The following RNF144A variants were observed in gnomAD, a reference collection of about 807,000 sequenced individuals.
RNF144A encodes ring finger protein 144A, also known as E3 ubiquitin-protein ligase RNF144A.
RNF144A carries 11 observed loss-of-function variants against 38.7 expected under a neutral mutation model. The observed-to-expected ratio is 0.28, with a 90% CI of 0.18 to 0.47. The LOEUF (loss-of-function observed/expected upper bound fraction) is 0.47. Ranked by LOEUF, RNF144A falls within the 20% of genes least tolerant of loss-of-function variation. The pLI is 0.99. For synonymous variants in RNF144A, 149 were observed against 143.9 expected, an observed-to-expected ratio of 1.04 and a Z score of -0.25; for missense variants, 316 against 377.2, an observed-to-expected ratio of 0.84 and a Z score of 1.34.
intron 1 of RNF144A, among the ~76,000 whole-genome samples, chr2:6,936,922 G>T (rs1665628801): frequency 6.6e-6 from 1 of 151,512 alleles, no homozygotes; most frequent in African/African-American, 2.4e-5. Context: ...CATAGTCTGA[G>T]CTCCTTGACA....
intron 6 of RNF144A, among the ~76,000 whole-genome samples, chr2:7,067,446 C>T (rs1266071341): frequency 6.6e-6 from 1 of 152,172 alleles, no homozygotes; most frequent in Admixed American, 6.5e-5. Flanking sequence ...ACTGCCTGCT[C>T]CCACACCACT....
intron 2 of RNF144A, among the ~76,000 whole-genome samples, chr2:6,983,909 C>T (rs983778979): frequency 1.3e-5 from 2 of 152,210 alleles, no homozygotes; most frequent in Non-Finnish European, 2.9e-5. Flanking sequence ...CAGCACCGAT[C>T]TTGAAACTGC....
At position 7,039,960 on chromosome 2, in the gene RNF144A, G is replaced by T; in HGVS notation, c.*200G>T. 1 of 1,398,460 alleles carries T rather than the reference G, an allele frequency of 7.2e-7. No homozygotes were observed. Among genetic ancestry groups the T allele is most frequent in the Non-Finnish European group, 9.3e-7 (1 of 1,076,828 alleles). The allele number at this position is 1,398,460 out of a possible 1,614,324, so 86.6% of individuals were successfully genotyped here. A position where few individuals can be genotyped will look rare whatever the true frequency, so the allele number is the denominator to read the frequency against. Reference sequence around the variant, plus strand: ...GCCCCAGGTGTGGTGGGGAGGGGAGGCAGGTGTGGGTAGCGCACATCCCCA... The same window carrying T: ...GCCCCAGGTGTGGTGGGGAGGGGAGTCAGGTGTGGGTAGCGCACATCCCCA... On this transcript the variant is annotated 3_prime_UTR_variant, in exon 9 of 9. Transcript: ENST00000320892.
intron 8 of RNF144A, 25 bp from the exon 9 acceptor site, chr2:7,039,604 C>G (rs776166935): frequency 6.2e-7 from 1 of 1,613,400 alleles, no homozygotes; most frequent in Admixed American, 1.7e-5. Context: ...CTCCTTACCT[C>G]TACCCCTTTG....
At chr2:7,015,610 A>G (rs1286662755) in intron 5 of RNF144A, among the ~76,000 whole-genome samples, 1 of 152,218 alleles carries the variant, frequency 6.6e-6, no homozygotes, top group African/African-American at 2.4e-5. Flanking sequence ...TGCTCTCTGA[A>G]ATACTCCGGG....
Position 7,041,235 on chromosome 2 carries a change from T to G in RNF144A, c.*1475T>G. 1 of 985,610 alleles carries G rather than the reference T, an allele frequency of 1.0e-6. No homozygotes were observed. The highest frequency in any genetic ancestry group is 1.7e-5 in the African/African-American group (1 of 57,362). 61.1% of individuals were successfully genotyped at this position (985,610 alleles called of 1,614,324 possible). ...CAGTTATTTGCCCATCACAAGCACA[T>G]TTTTAAAATGTTGCTTTGTGTGTGT... is the stretch of plus-strand genomic sequence containing the variant. On this transcript the variant is annotated 3_prime_UTR_variant, in exon 9 of 9. Coordinates refer to ENST00000320892, the MANE Select transcript of RNF144A (RefSeq NM_014746.6).
At chr2:6,999,917 A>G (rs537399969) in intron 3 of RNF144A, among the ~76,000 whole-genome samples, 6 of 152,210 alleles carry the variant, frequency 3.9e-5, no homozygotes, top group Admixed American at 1.3e-4. Flanking sequence ...CCTTGTCCAC[A>G]TCCCCCACTA....
chr2:7,029,313 A>G (rs1672125057), intron 7 of RNF144A, among the ~76,000 whole-genome samples: 1 of 152,276 alleles, frequency 6.6e-6, no homozygotes, highest in Admixed American at 6.5e-5. Context: ...CGGTATAGAA[A>G]TGCCATTCCC....
At chr2:6,963,491 T>G (rs943129450) in intron 2 of RNF144A, among the ~76,000 whole-genome samples, 9 of 152,152 alleles carry the variant, frequency 5.9e-5, no homozygotes, top group African/African-American at 2.2e-4. Flanking sequence ...TTTTCTTGCC[T>G]CCTTCTTCTT....
At chr2:6,982,723 C>T (rs1010771781) in intron 2 of RNF144A, among the ~76,000 whole-genome samples, 1 of 152,168 alleles carries the variant, frequency 6.6e-6, no homozygotes, top group East Asian at 1.9e-4. Context: ...GTGGCAACTT[C>T]ATGGATCCTG....
At chr2:6,968,809 C>T (rs552475525) in intron 2 of RNF144A, among the ~76,000 whole-genome samples, 2 of 152,290 alleles carry the variant, frequency 1.3e-5, no homozygotes, top group East Asian at 1.9e-4. Flanking sequence ...TGGCATCATC[C>T]TCCTCAAGCA....
At chr2:6,935,572 A>T (rs909422947) in intron 1 of RNF144A, among the ~76,000 whole-genome samples, 1 of 152,066 alleles carries the variant, frequency 6.6e-6, no homozygotes, top group Non-Finnish European at 1.5e-5. Flanking sequence ...CAGCATGTAG[A>T]TGGGATGGCC....
rs1471486020 is a variant in RNF144A, at chr2:7,018,819, TATC to T, written c.302-1652_302-1650del. On this transcript the variant is annotated intron_variant, in intron 5 of 8. Transcript: ENST00000320892. The stretch of plus-strand genomic sequence containing the variant: ...CCTGACCTCCAGCGTTCCTTGTTAT[TATC>T]AAGTTCTTCTTAATCTTCTGCCACC... Among the ~76,000 whole-genome samples the T allele has an allele frequency of 3.3e-5, 5 of 152,230 alleles. No homozygotes were observed. The South Asian group carries it at 1.0e-3, about 32-fold the overall frequency.
chr2:6,949,894 T>G (rs949872847), intron 2 of RNF144A, among the ~76,000 whole-genome samples: 2 of 152,128 alleles, frequency 1.3e-5, no homozygotes, highest in Non-Finnish European at 2.9e-5. Context: ...AAGTAAAAAT[T>G]TAAATTCTGT....
Position 7,035,130 on chromosome 2 carries a change from C to T in RNF144A, c.748-4499C>T, listed in dbSNP as rs537185333. Among the ~76,000 whole-genome samples, 8 of 152,308 alleles carry T rather than the reference C, an allele frequency of 5.3e-5. No individual in the cohort carries two copies. The South Asian group carries it at 1.0e-3, about 20-fold the overall frequency. On this transcript the variant is annotated intron_variant, in intron 8 of 8. Coordinates refer to ENST00000320892, the MANE Select transcript of RNF144A (RefSeq NM_014746.6). The stretch of plus-strand genomic sequence containing the variant: ...AGAGGAGCCCGCTCAGGATGGCCTG[C>T]TGTTCTGCCTTCTCCACTCCTGTGT...
Position 7,020,694 on chromosome 2 carries a change from A to G in RNF144A, c.509+14A>G. On this transcript the variant is annotated intron_variant, in intron 6 of 8. Coordinates refer to ENST00000320892, the MANE Select transcript of RNF144A (RefSeq NM_014746.6). ...CGGGGAGACCAGGTACCCTTTGTAC[A>G]CAAGCTGCCACCAAAGGCATGGCTG... 2 of 1,595,490 alleles carry G rather than the reference A, an allele frequency of 1.3e-6. No individual in the cohort carries two copies. The highest frequency in any genetic ancestry group is 2.7e-5 in the African/African-American group (2 of 74,948).
downstream of RNF144A, among the ~76,000 whole-genome samples, chr2:7,048,933 G>A (rs775385241): frequency 5.9e-5 from 9 of 152,176 alleles, no homozygotes; most frequent in South Asian, 6.2e-4. Context: ...GCAGAAACCC[G>A]TGGCAACTGA....
At chr2:7,020,433 G>T (rs761016276) in intron 5 of RNF144A, 40 bp from the exon 6 acceptor site, 29 of 1,583,034 alleles carry the variant, frequency 1.8e-5, no homozygotes, top group Non-Finnish European at 2.5e-5. Context: ...ATGACCCTCT[G>T]GCTTAAGTTT....
chr2:6,941,819 A>AG lies in RNF144A; in HGVS notation c.-12+675dup, dbSNP rs1352529760. ...TCTGGGCAAGAGCGCTGTAGACAGA[A>AG]GGGCTGGTGGCTGCAGCATACGGAC... On this transcript the variant is annotated intron_variant, in intron 2 of 8. Coordinates refer to ENST00000320892, the MANE Select transcript of RNF144A (RefSeq NM_014746.6). The surrounding 1 kb of genome is among the most constrained non-coding windows in gnomAD (Gnocchi z 6.5). 2.0e-5 allele frequency among the ~76,000 whole-genome samples: 3 copies of AG among 152,240 alleles called. No homozygotes were observed. Among genetic ancestry groups the AG allele is most frequent in the Non-Finnish European group, 4.4e-5 (3 of 68,032 alleles).
Sources: gnomAD v4.1 joint callset for allele counts (sites outside exome capture counted in the v4.1 genomes callset) on GRCh38, gnomAD v4.1.1 for gene constraint, Gnocchi (gnomAD v3.1) non-coding constraint, MANE v1.5 for transcripts, NCBI Gene and HGNC (gene_info 2026-07-23, HGNC 2026-07-21) for gene names.